RIMBP2: variants seen among roughly 807,000 people sequenced by gnomAD.
The protein encoded by RIMBP2 is RIMS-binding protein 2.
In RIMBP2, 48 loss-of-function variants were observed where a neutral mutation model predicts 118.6. The ratio of observed to expected loss-of-function variants is 0.40; its 90% CI spans 0.32 to 0.51. RIMBP2 has a LOEUF of 0.51. RIMBP2 is among the 20% of genes least tolerant of loss of function. RIMBP2 has a pLI of 0.41. For missense variants in RIMBP2, 1,551 were observed against 1,768.3 expected, an observed-to-expected ratio of 0.88 and a Z score of 2.20; for synonymous variants, 762 against 742.9, an observed-to-expected ratio of 1.03 and a Z score of -0.42.
At chr12:130,667,690 G>A (rs2064014222) in intron 1 of RIMBP2, 1 of 152,298 alleles carries the variant, frequency 6.6e-6, no homozygotes, top group Admixed American at 6.5e-5. Flanking sequence ...GAGGTTTGGG[G>A]CTTGGAGCCA....
chr12:130,673,850 T>C lies in RIMBP2; in HGVS notation c.-352+42372A>G, dbSNP rs188854671. Among the ~76,000 whole-genome samples the C allele has an allele frequency of 4.2e-4, 64 of 152,070 alleles. No homozygotes were observed. In the East Asian group the frequency reaches 0.012, roughly 29 times the overall value. Reference sequence around the variant, plus strand: ...TGGGCCAGGCACGGTGGCTTACGCCTATAATCCCAGCCCTTTGGAAGGCCG... The same window carrying C: ...TGGGCCAGGCACGGTGGCTTACGCCCATAATCCCAGCCCTTTGGAAGGCCG... On this transcript the variant is annotated intron_variant, in intron 1 of 22. Coordinates refer to ENST00000690449, the MANE Select transcript of RIMBP2 (RefSeq NM_001393629.1).
At chr12:130,709,215 G>T (rs1328961866) in intron 1 of RIMBP2, among the ~76,000 whole-genome samples, 1 of 152,264 alleles carries the variant, frequency 6.6e-6, no homozygotes, top group African/African-American at 2.4e-5. Flanking sequence ...GGACAAGCAG[G>T]AAGGAAGCTG....
At chr12:130,560,774 T>C (rs1431365468) in intron 2 of RIMBP2, among the ~76,000 whole-genome samples, 1 of 152,220 alleles carries the variant, frequency 6.6e-6, no homozygotes, top group Non-Finnish European at 1.5e-5. Context: ...TATCTCATCG[T>C]GGCCTCCCTC....
At chr12:130,426,838 CAG>C (rs1027655575) in intron 15 of RIMBP2, 2 of 151,996 alleles carry the variant, frequency 1.3e-5, no homozygotes, top group African/African-American at 4.8e-5. Flanking sequence ...GGAAAGGCAT[CAG>C]GGGGCGGGGG....
intron 3 of RIMBP2, 123 bp downstream of exon 3, chr12:130,517,705 C>T (rs1381804486): frequency 9.3e-6 from 2 of 215,054 alleles, no homozygotes; most frequent in African/African-American, 2.3e-5. Flanking sequence ...CTGGCTCAGC[C>T]TCTCAGGCCA....
At chr12:130,457,971 C>T (rs538910889) in intron 6 of RIMBP2, among the ~76,000 whole-genome samples, 1 of 152,142 alleles carries the variant, frequency 6.6e-6, no homozygotes, top group Admixed American at 6.5e-5. Flanking sequence ...ACTGACGTTT[C>T]CCCCAGTGAA....
chr12:130,691,343 C>G (rs2065297917), intron 1 of RIMBP2, among the ~76,000 whole-genome samples: 1 of 152,172 alleles, frequency 6.6e-6, no homozygotes, highest in African/African-American at 2.4e-5. Flanking sequence ...GGCTGTAGCC[C>G]CTTCTACCCA....
intron 1 of RIMBP2, among the ~76,000 whole-genome samples, chr12:130,652,401 C>A (rs1370867632): frequency 3.3e-5 from 5 of 152,228 alleles, no homozygotes; most frequent in Non-Finnish European, 7.3e-5. Flanking sequence ...GTTTGCCAAC[C>A]CTTAGAATGT....
rs2056173154 is a variant in RIMBP2, at chr12:130,554,708, T to C, written c.-216-36791A>G. On this transcript the variant is annotated intron_variant, in intron 2 of 22. Coordinates refer to ENST00000690449, the MANE Select transcript of RIMBP2 (RefSeq NM_001393629.1). Reference sequence around the variant, plus strand: ...AATAACTATGCAGTGGGTGTCATCATTATCCCCATTTTAGAGAGAGGAAAC... The same window carrying C: ...AATAACTATGCAGTGGGTGTCATCACTATCCCCATTTTAGAGAGAGGAAAC... Among the ~76,000 whole-genome samples the C allele has an allele frequency of 2.6e-5, 4 of 152,212 alleles. 1 individual carries two copies. The highest frequency in any genetic ancestry group is 7.2e-5 in the African/African-American group (3 of 41,450).
intron 2 of RIMBP2, among the ~76,000 whole-genome samples, chr12:130,542,529 G>A (rs2054711915): frequency 6.6e-6 from 1 of 152,244 alleles, no homozygotes; most frequent in South Asian, 2.1e-4. Flanking sequence ...AATTTGAGAA[G>A]AGGGTGGGAG....
Position 130,456,476 on chromosome 12 carries a change from C to A in RIMBP2, c.358+20G>T. On this transcript the variant is annotated intron_variant, in intron 7 of 22. Coordinates refer to ENST00000690449, the MANE Select transcript of RIMBP2 (RefSeq NM_001393629.1). The stretch of plus-strand genomic sequence containing the variant: ...CATTCTCTCCCCACCACAGCCAAGG[C>A]GGAAGGTCCAGGCGCTTACCTTTGC... 2 of 1,545,092 alleles carry A rather than the reference C, an allele frequency of 1.3e-6. No individual in the cohort carries two copies. The highest frequency in any genetic ancestry group is 8.8e-7 in the Non-Finnish European group (1 of 1,141,860).
At chr12:130,588,456 G>A (rs1214468599) in intron 2 of RIMBP2, among the ~76,000 whole-genome samples, 2 of 152,160 alleles carry the variant, frequency 1.3e-5, no homozygotes, top group African/African-American at 4.8e-5. Flanking sequence ...AAATAAACAT[G>A]AGAAAAGCCA....
chr12:130,526,850 T>C (rs1401488953), intron 2 of RIMBP2, among the ~76,000 whole-genome samples: 1 of 152,192 alleles, frequency 6.6e-6, no homozygotes, highest in Non-Finnish European at 1.5e-5. Flanking sequence ...ATTTTTTCTT[T>C]CTGAAAAGGC....
intron 1 of RIMBP2, chr12:130,658,859 G>A (rs1444498371): frequency 6.6e-6 from 1 of 152,312 alleles, no homozygotes; most frequent in African/African-American, 2.4e-5. Flanking sequence ...AGGCGGAGAT[G>A]CAAGTGCACA....
intron 1 of RIMBP2, among the ~76,000 whole-genome samples, chr12:130,715,137 C>T (rs1400692847): frequency 6.6e-6 from 1 of 152,248 alleles, no homozygotes; most frequent in African/African-American, 2.4e-5. Context: ...TGTGACATTT[C>T]CCTTCCCTGG....
At chr12:130,601,002 G>A (rs57124250) in intron 2 of RIMBP2, among the ~76,000 whole-genome samples, 61,139 of 151,880 alleles carry the variant, frequency 0.4, 13,082 homozygotes, top group African/African-American at 0.54. Flanking sequence ...CCATCTCCAA[G>A]CCCTAGCCGA....
chr12:130,423,148 C>T (rs2076521481), intron 16 of RIMBP2, among the ~76,000 whole-genome samples: 1 of 152,220 alleles, frequency 6.6e-6, no homozygotes, highest in East Asian at 1.9e-4. Context: ...TCTAAATTCA[C>T]CTTTAGATCA....
intron 18 of RIMBP2, 94 bp downstream of exon 18, chr12:130,414,031 T>C: frequency 7.4e-7 from 1 of 1,344,574 alleles, no homozygotes; most frequent in Admixed American, 1.8e-5. Context: ...GAGAAGGCCA[T>C]CTCTAAGTCG....
rs189080200 is a variant in RIMBP2, at chr12:130,525,068, G to A, written c.-216-7151C>T. ...CAGATGTGAAAGTTGCACTGATACC[G>A]ACACCACTTTGAGTCACAGGAGGGG... On this transcript the variant is annotated intron_variant, in intron 2 of 22. Coordinates refer to ENST00000690449, the MANE Select transcript of RIMBP2 (RefSeq NM_001393629.1). The surrounding 1 kb of genome is among the most constrained non-coding windows in gnomAD (Gnocchi z 4.4). Among the ~76,000 whole-genome samples the A allele has an allele frequency of 2.3e-3, 354 of 152,318 alleles. 1 individual carries two copies. Among genetic ancestry groups the A allele is most frequent in the South Asian group, 4.6e-3 (22 of 4,828 alleles).
Sources: allele counts gnomAD v4.1 joint callset (sites outside exome capture counted in the v4.1 genomes callset), GRCh38; gene constraint gnomAD v4.1.1; non-coding constraint Gnocchi (gnomAD v3.1); transcripts MANE v1.5; gene names NCBI Gene and HGNC (gene_info 2026-07-23, HGNC 2026-07-21).